NTRK2: variants seen among roughly 807,000 people sequenced by gnomAD.
NTRK2 encodes neurotrophic receptor tyrosine kinase 2, also known as BDNF/NT-3 growth factors receptor.
A neutral mutation model predicts 94.5 loss-of-function variants in NTRK2; 13 were observed. The observed-to-expected ratio is 0.14, with a 90% CI of 0.09 to 0.22. The LOEUF (loss-of-function observed/expected upper bound fraction) is 0.22, where lower values mean the gene tolerates loss of function less well. Among genes scored for constraint, NTRK2 ranks in the 10% least tolerant of loss-of-function variants. NTRK2 has a pLI of 1.00. For missense variants in NTRK2, 639 were observed against 1,071.2 expected (o/e 0.60, Z 5.63); for synonymous variants, 372 against 407.4 (o/e 0.91, Z 1.05).
chr9:84,954,388 A>G (rs1823850993), intron 16 of NTRK2, among the ~76,000 whole-genome samples: 1 of 152,248 alleles, frequency 6.6e-6, no homozygotes, highest in Non-Finnish European at 1.5e-5. Context: ...CTTGCGTGTT[A>G]GGGTGCCCTA....
Position 84,957,275 on chromosome 9 carries a change from A to G in NTRK2, c.2172+1758A>G, listed in dbSNP as rs531261118. Among the ~76,000 whole-genome samples the G allele has an allele frequency of 3.9e-5, 6 of 152,288 alleles. No individual in the cohort carries two copies. In the South Asian group the frequency reaches 1.2e-3, roughly 32 times the overall value. On this transcript the variant is annotated intron_variant, in intron 17 of 18. Transcript: ENST00000277120. ...AAGTGAGTGCTTGTTAAGTTTTTCC[A>G]CCTAATTATTACCCAAATCAATAGA...
chr9:84,883,189 A>G (rs1393680598), intron 14 of NTRK2, among the ~76,000 whole-genome samples: 1 of 152,216 alleles, frequency 6.6e-6, no homozygotes, highest in African/African-American at 2.4e-5. Flanking sequence ...ATTAGGATAA[A>G]TGTAAGAGTT....
chr9:84,775,549 C>A lies in NTRK2; in HGVS notation c.1396+23464C>A, dbSNP rs940767238. The stretch of plus-strand genomic sequence containing the variant: ...GCTTCTCCTGCATATTTCTTTTGCT[C>A]TTGGTTCTTTGAATAGAATGTGTAT... On this transcript the variant is annotated intron_variant, in intron 12 of 18. Transcript: ENST00000277120. 1.8e-4 allele frequency among the ~76,000 whole-genome samples: 28 copies of A among 152,134 alleles called. 1 individual carries two copies.
intron 17 of NTRK2, among the ~76,000 whole-genome samples, chr9:85,016,158 G>A (rs752522242): frequency 2.0e-5 from 3 of 152,148 alleles, no homozygotes; most frequent in Non-Finnish European, 4.4e-5. Flanking sequence ...GAACCACGGC[G>A]TTTTTGTGCT....
chr9:84,695,079 C>T (rs958613582), intron 2 of NTRK2, among the ~76,000 whole-genome samples: 6 of 141,924 alleles, frequency 4.2e-5, no homozygotes, highest in African/African-American at 1.6e-4. Context: ...AAAAAACACA[C>T]AACAAAAAAC....
At position 84,797,660 on chromosome 9, in the gene NTRK2, T is replaced by TAATAATA. The variant is rs1564297727; in HGVS notation, c.1396+45575_1396+45576insAATAATA. Among the ~76,000 whole-genome samples, 85 of 42,260 alleles carry TAATAATA rather than the reference T, an allele frequency of 2.0e-3. 6 individuals are homozygous for TAATAATA. In the East Asian group the frequency reaches 0.025, roughly 12 times the overall value. 27.7% of individuals were successfully genotyped at this position (42,260 alleles called of 152,430 possible). On this transcript the variant is annotated intron_variant, in intron 12 of 18. Transcript: ENST00000277120. ...TATATATACTATAATAATATATATA[T>TAATAATA]TATATATTATATATTATATATACTA...
chr9:84,944,634 G>T (rs1264948143), intron 15 of NTRK2, among the ~76,000 whole-genome samples: 2 of 152,208 alleles, frequency 1.3e-5, no homozygotes, highest in South Asian at 2.1e-4. Context: ...AAAAAACATT[G>T]CAGGCCAAGG....
chr9:84,910,803 G>T (rs1200975003), intron 14 of NTRK2, among the ~76,000 whole-genome samples: 3 of 152,158 alleles, frequency 2.0e-5, no homozygotes, highest in African/African-American at 7.2e-5. Flanking sequence ...TTAAAATCAG[G>T]TGCGTAAGTT....
intron 12 of NTRK2, among the ~76,000 whole-genome samples, chr9:84,763,183 A>G (rs2065737444): frequency 6.6e-6 from 1 of 152,074 alleles, no homozygotes; most frequent in East Asian, 1.9e-4. Context: ...CAGGCTTGGG[A>G]TTGCTCTGAC....
intron 12 of NTRK2, among the ~76,000 whole-genome samples, chr9:84,830,538 CGTGTGT>C (rs60042932): frequency 4.1e-5 from 6 of 146,020 alleles, no homozygotes; most frequent in Admixed American, 6.8e-5. Flanking sequence ...AGCATGCATG[CGTGTGT>C]GTGTGTGTGT....
chr9:84,975,365 A>C (rs1182935708), intron 17 of NTRK2, among the ~76,000 whole-genome samples: 1 of 152,190 alleles, frequency 6.6e-6, no homozygotes. Flanking sequence ...ACCAAGATGG[A>C]GGAAAAGATG....
At chr9:84,872,541 T>G in intron 14 of NTRK2, 1 of 1,065,440 alleles carries the variant, frequency 9.4e-7, no homozygotes, top group South Asian at 4.5e-5. Context: ...TTGCAGAGCA[T>G]GCCCTCTTCA....
chr9:84,778,466 G>C (rs145309276), intron 12 of NTRK2, among the ~76,000 whole-genome samples: 1 of 152,176 alleles, frequency 6.6e-6, no homozygotes, highest in African/African-American at 2.4e-5. Context: ...TTATACTTGG[G>C]TTATATGTAG....
At chr9:84,685,532 T>C (rs765320751) in intron 2 of NTRK2, among the ~76,000 whole-genome samples, 1 of 152,104 alleles carries the variant, frequency 6.6e-6, no homozygotes, top group Non-Finnish European at 1.5e-5. Flanking sequence ...ATTACACTTA[T>C]ATAGCAAAGG....
intron 17 of NTRK2, among the ~76,000 whole-genome samples, chr9:85,016,393 G>C (rs1313043713): frequency 3.3e-5 from 5 of 152,164 alleles, no homozygotes; most frequent in Non-Finnish European, 1.5e-5. Flanking sequence ...AAGACCATGA[G>C]ACCCCATTCA....
intron 17 of NTRK2, among the ~76,000 whole-genome samples, chr9:84,957,487 A>C (rs1183654635): frequency 6.6e-6 from 1 of 152,260 alleles, no homozygotes. Context: ...CCACATGGTC[A>C]ATAAGCACAT....
chr9:84,911,820 T>C (rs2077243880), intron 14 of NTRK2, among the ~76,000 whole-genome samples: 1 of 152,128 alleles, frequency 6.6e-6, no homozygotes, highest in Non-Finnish European at 1.5e-5. Context: ...ACTGCTTTCC[T>C]TCTAATTTCT....
intron 12 of NTRK2, among the ~76,000 whole-genome samples, chr9:84,769,212 TA>T (rs2066306409): frequency 6.6e-6 from 1 of 152,308 alleles, no homozygotes; most frequent in South Asian, 2.1e-4. Context: ...GAAAAAATTT[TA>T]AAAGGCAGTG....
intron 9 of NTRK2, among the ~76,000 whole-genome samples, chr9:84,730,982 C>A (rs1477727340): frequency 6.6e-6 from 1 of 151,840 alleles, no homozygotes; most frequent in Non-Finnish European, 1.5e-5. Flanking sequence ...GGTAAGATCC[C>A]CCCCTTCCCT....
Sources: gnomAD v4.1 joint callset for allele counts (sites outside exome capture counted in the v4.1 genomes callset) on GRCh38, gnomAD v4.1.1 for gene constraint, MANE v1.5 for transcripts, NCBI Gene and HGNC (gene_info 2026-07-23, HGNC 2026-07-21) for gene names.